The following ERI1 variants were observed in gnomAD, a reference collection of about 807,000 sequenced individuals.
The protein encoded by ERI1 is 3'-5' exoribonuclease 1.
A neutral mutation model predicts 39.7 loss-of-function variants in ERI1; 39 were observed. That is an observed-to-expected ratio of 0.98 (90% CI 0.76 to 1.28). ERI1 has a LOEUF of 1.28. Among genes scored for constraint, ERI1 ranks in the 50% most tolerant of loss-of-function variants. ERI1 has a pLI of 0.00. For missense variants in ERI1, 581 were observed against 416.9 expected, an observed-to-expected ratio of 1.39 and a Z score of -3.43; for synonymous variants, 204 against 149.6, an observed-to-expected ratio of 1.36 and a Z score of -2.65.
chr8:9,094,701 C>G (rs910344190), intron 3 of ERI1, among the ~76,000 whole-genome samples: 3 of 152,156 alleles, frequency 2.0e-5, no homozygotes, highest in Non-Finnish European at 4.4e-5. Flanking sequence ...CTGGAGTTCA[C>G]TGCTTTGGGG....
In ERI1 at chr8:9,011,659, T is replaced by C; in HGVS notation, c.405T>C (p.Phe135=). Residue 135 remains phenylalanine (F), a synonymous_variant, in exon 3 of 7, where the codon TTT becomes TTC. Coordinates refer to ENST00000250263, the MANE Select transcript of ERI1 (RefSeq NM_153332.4). ...SYYDYICIID[F]EATCEEGNPP... ...ATGACTACATTTGTATTATTGACTT[T>C]GAAGCCACTTGTGAAGAAGGAAACC... 1 of 1,613,694 alleles carries C rather than the reference T, an allele frequency of 6.2e-7. No individual in the cohort carries two copies. The highest frequency in any genetic ancestry group is 1.7e-4 in the Middle Eastern group (1 of 6,060).
intron 3 of ERI1, among the ~76,000 whole-genome samples, chr8:9,055,302 C>G (rs1229793405): frequency 6.6e-6 from 1 of 152,256 alleles, no homozygotes; most frequent in African/African-American, 2.4e-5. Flanking sequence ...CTATTTACAA[C>G]TCCATTGAGG....
In ERI1 at chr8:9,003,056, C is replaced by A. The variant is rs1172494051; in HGVS notation, c.-8C>A. 3 of 1,245,564 alleles carry A rather than the reference C, an allele frequency of 2.4e-6. No individual in the cohort carries two copies. In the Admixed American group the frequency reaches 1.3e-4, roughly 53 times the overall value. The allele number at this position is 1,245,564 out of a possible 1,614,324, so 77.2% of individuals were successfully genotyped here. On this transcript the variant is annotated 5_prime_UTR_variant, in exon 1 of 7. Coordinates refer to ENST00000250263, the MANE Select transcript of ERI1 (RefSeq NM_153332.4). ...CTCCAGCAACTCTCCTCTGGCGTGACAGCCGGCATGGAGGATCCACAGAGT... is the reference window on the plus strand; with the variant it reads ...CTCCAGCAACTCTCCTCTGGCGTGAAAGCCGGCATGGAGGATCCACAGAGT...
At chr8:9,098,484 C>T (rs947470114) in intron 3 of ERI1, among the ~76,000 whole-genome samples, 3 of 152,196 alleles carry the variant, frequency 2.0e-5, no homozygotes, top group African/African-American at 2.4e-5. Flanking sequence ...CGCCTTTGCA[C>T]TCCAGCCTGG....
rs1296781646 is a variant in ERI1 at position 9,033,025 on chromosome 8, A to G, written c.*2991A>G. 1 of 152,216 alleles carries G rather than the reference A, an allele frequency of 6.6e-6. No individual in the cohort carries two copies. The highest frequency in any genetic ancestry group is 1.5e-5 in the Non-Finnish European group (1 of 68,038). 9.4% of individuals were successfully genotyped at this position (152,216 alleles called of 1,614,324 possible). On this transcript the variant is annotated 3_prime_UTR_variant, in exon 7 of 7. Transcript: ENST00000250263. The stretch of plus-strand genomic sequence containing the variant: ...GATAAAATGTTTTGCACATAGTTGA[A>G]TCCAGCGTTGATACATGAAGGACAG...
At chr8:9,037,812 A>G (rs1797899719), downstream of ERI1, among the ~76,000 whole-genome samples, 1 of 150,296 alleles carries the variant, frequency 6.7e-6, no homozygotes, top group South Asian at 2.1e-4. Context: ...TCTATGCTTG[A>G]CTTTCCCCCT....
Position 9,004,378 on chromosome 8 carries a change from T to C in ERI1, c.108+1207T>C, listed in dbSNP as rs1012553667. On this transcript the variant is annotated intron_variant, in intron 1 of 6. Coordinates refer to ENST00000250263, the MANE Select transcript of ERI1 (RefSeq NM_153332.4). ...GAATATGCTTCTTTATATTTGAAAG[T>C]CTTGACACTTTTACAGCTACTTAAG... 3.6e-6 allele frequency: 3 copies of C among 837,666 alleles called. No individual in the cohort carries two copies. The African/African-American group carries it at 5.5e-5, about 15-fold the overall frequency. 51.9% of individuals were successfully genotyped at this position (837,666 alleles called of 1,614,324 possible). A position where few individuals can be genotyped will look rare whatever the true frequency, so the allele number is the denominator to read the frequency against.
chr8:9,056,638 CAA>C (rs2117385992), intron 3 of ERI1, among the ~76,000 whole-genome samples: 1 of 119,028 alleles, frequency 8.4e-6, no homozygotes, highest in South Asian at 3.8e-4. Flanking sequence ...TTCTAAAGGG[CAA>C]AGTCTAAAGT....
chr8:9,095,629 TCCCA>T (rs1203276059), intron 3 of ERI1, among the ~76,000 whole-genome samples: 6 of 151,956 alleles, frequency 3.9e-5, no homozygotes, highest in Admixed American at 6.6e-5. Flanking sequence ...CAGGTGATCC[TCCCA>T]CCTTAGACTC....
At chr8:9,097,118 C>T (rs562749249) in intron 3 of ERI1, among the ~76,000 whole-genome samples, 4 of 152,188 alleles carry the variant, frequency 2.6e-5, no homozygotes, top group South Asian at 2.1e-4. Context: ...CCATTTACAC[C>T]CCCTCCATCC....
At position 9,032,682 on chromosome 8, in the gene ERI1, GTA is replaced by G. The variant is rs1202544613; in HGVS notation, c.*2652_*2653del. 6.6e-6 allele frequency: 1 copy of G among 152,130 alleles called. No homozygotes were observed. The highest frequency in any genetic ancestry group is 1.5e-5 in the Non-Finnish European group (1 of 68,034). 9.4% of individuals were successfully genotyped at this position (152,130 alleles called of 1,614,324 possible). On this transcript the variant is annotated 3_prime_UTR_variant, in exon 7 of 7. Transcript: ENST00000250263. ...AAAAGATGTGACCAGTTGACTTTTA[GTA>G]TATCATCCCAAGTATTATCCCCAAA...
intron 3 of ERI1, among the ~76,000 whole-genome samples, chr8:9,076,645 T>C (rs1006349434): frequency 2.6e-5 from 4 of 152,238 alleles, no homozygotes; most frequent in Admixed American, 2.6e-4. Context: ...TGTGCTTCTC[T>C]TTCTGTGGGA....
At chr8:9,017,131 C>T (rs1817385407) in intron 4 of ERI1, among the ~76,000 whole-genome samples, 1 of 152,126 alleles carries the variant, frequency 6.6e-6, no homozygotes, top group African/African-American at 2.4e-5. Context: ...CCTCTGCCTC[C>T]CAGGTTCAAG....
intron 3 of ERI1, among the ~76,000 whole-genome samples, chr8:9,098,696 C>T (rs1312912143): frequency 6.6e-6 from 1 of 151,938 alleles, no homozygotes; most frequent in Non-Finnish European, 1.5e-5. Context: ...AACCAAATAC[C>T]ACCTGTTCCC....
chr8:9,095,044 A>G (rs1296734885), intron 3 of ERI1, among the ~76,000 whole-genome samples: 1 of 152,150 alleles, frequency 6.6e-6, no homozygotes, highest in Non-Finnish European at 1.5e-5. Context: ...CCGTTTTCCT[A>G]CTGGCAGTTG....
chr8:9,045,354 A>T (rs1157971975), intron 3 of ERI1, among the ~76,000 whole-genome samples: 2 of 151,724 alleles, frequency 1.3e-5, no homozygotes, highest in Non-Finnish European at 2.9e-5. Flanking sequence ...TCCCCATCCC[A>T]CTTACGTATA....
chr8:9,009,389 CAG>C (rs1478152446), intron 2 of ERI1, among the ~76,000 whole-genome samples: 2 of 151,906 alleles, frequency 1.3e-5, no homozygotes, highest in African/African-American at 2.4e-5. Context: ...TTGTGCCAAA[CAG>C]AAAAGGGAGG....
At chr8:9,034,507 CTT>C (rs371671315), downstream of ERI1, among the ~76,000 whole-genome samples, 1,287 of 152,242 alleles carry the variant, frequency 8.5e-3, 18 homozygotes, top group African/African-American at 0.029. Context: ...TATTATCTCT[CTT>C]AGGGTGATTT....
chr8:9,092,776 A>G (rs373971812), intron 3 of ERI1, among the ~76,000 whole-genome samples: 28 of 152,164 alleles, frequency 1.8e-4, no homozygotes, highest in African/African-American at 6.3e-4. Context: ...GTTTCCTAGG[A>G]CTGCCATAAC....
Sources: allele counts gnomAD v4.1 joint callset (sites outside exome capture counted in the v4.1 genomes callset), GRCh38; gene constraint gnomAD v4.1.1; transcripts MANE v1.5; gene names NCBI Gene and HGNC (gene_info 2026-07-23, HGNC 2026-07-21).